PRKDC: variants seen among roughly 807,000 people sequenced by gnomAD.
PRKDC encodes the protein DNA-dependent protein kinase catalytic subunit.
Under a neutral mutation model 486.9 loss-of-function variants are expected in PRKDC, and 82 were observed. The ratio of observed to expected loss-of-function variants is 0.17; its 90% CI spans 0.14 to 0.20. PRKDC has a LOEUF of 0.20. Ranked by LOEUF, PRKDC falls within the 10% of genes least tolerant of loss-of-function variation. PRKDC has a pLI of 1.00. For missense variants in PRKDC, 4,504 were observed against 5,038.2 expected (o/e 0.89, Z 3.21); for synonymous variants, 1,895 against 1,837.0 (o/e 1.03, Z -0.81).
chr8:47,783,591 A>G (rs2086736830), intron 78 of PRKDC, 151 bp downstream of exon 78: 1 of 741,766 alleles, frequency 1.3e-6, no homozygotes, highest in East Asian at 3.0e-5. Flanking sequence ...CTCCGTCTCA[A>G]AAAAAAAAAG....
Position 47,794,456 on chromosome 8 carries a change from T to C in PRKDC, c.10504A>G (p.Met3502Val). 6.2e-7 allele frequency: 1 copy of C among 1,613,766 alleles called. No homozygotes were observed. The highest frequency in any genetic ancestry group is 8.5e-7 in the Non-Finnish European group (1 of 1,179,664). ...TGGTCTTTGTCCAGTAAGGCCACCA[T>C]GTGGCTGATCCAGCTGATGAACTGC... is the stretch of plus-strand genomic sequence containing the variant. Reference protein sequence around the residue: ...CWQFISWISHMVALLDKDQAV... With the variant: ...CWQFISWISHVVALLDKDQAV... Residue 3502 changes from methionine (M) to valine (V), a missense_variant, in exon 74 of 86, where the codon ATG becomes GTG. By Grantham distance (21) the Met-to-Val change is conservative. Coordinates refer to ENST00000314191, the MANE Select transcript of PRKDC (RefSeq NM_006904.7).
intron 58 of PRKDC, 54 bp from the exon 59 acceptor site, chr8:47,834,450 C>A (rs1247274883): frequency 1.3e-6 from 2 of 1,570,462 alleles, no homozygotes; most frequent in East Asian, 2.2e-5. Flanking sequence ...GCTCTGTGCA[C>A]GGGGCAGGAC....
chr8:47,782,605 A>C lies in PRKDC; in HGVS notation c.11176-7T>G. 4 of 1,553,516 alleles carry C rather than the reference A, an allele frequency of 2.6e-6. No homozygotes were observed. The highest frequency in any genetic ancestry group is 3.5e-6 in the Non-Finnish European group (4 of 1,148,608). On this transcript the variant is annotated splice_region_variant and splice_polypyrimidine_tract_variant and intron_variant, in intron 78 of 85. Transcript: ENST00000314191. The surrounding 1 kb of genome is among the most constrained non-coding windows in gnomAD (Gnocchi z 4.9). ...GAGACGCCATGACTGTCACCTTCAA[A>C]AATCAGAATGTCATCTCAGGGCACA...
At chr8:47,959,435 T>A (rs967573818) in intron 1 of PRKDC, 1 of 152,206 alleles carries the variant, frequency 6.6e-6, no homozygotes, top group Non-Finnish European at 1.5e-5. Context: ...TCCCAGCACT[T>A]TGGGAGGCCG....
At chr8:47,857,652 C>T (rs1284733170) in intron 48 of PRKDC, among the ~76,000 whole-genome samples, 1 of 152,170 alleles carries the variant, frequency 6.6e-6, no homozygotes, top group African/African-American at 2.4e-5. Flanking sequence ...CTGCCAGCAG[C>T]TTGATCTCAG....
intron 58 of PRKDC, among the ~76,000 whole-genome samples, chr8:47,834,738 T>G (rs2087974017): frequency 6.9e-6 from 1 of 144,784 alleles, no homozygotes; most frequent in African/African-American, 2.7e-5. Context: ...TGGCCCAGGC[T>G]GGAGTGCAGT....
At chr8:47,880,819 C>T (rs900316876) in intron 38 of PRKDC, among the ~76,000 whole-genome samples, 15 of 151,828 alleles carry the variant, frequency 9.9e-5, no homozygotes, top group African/African-American at 3.4e-4. Context: ...TTTGGGAGGC[C>T]GAGGCAGGCA....
At chr8:47,803,698 C>G (rs187404866) in intron 69 of PRKDC, among the ~76,000 whole-genome samples, 3 of 151,990 alleles carry the variant, frequency 2.0e-5, no homozygotes, top group African/African-American at 7.2e-5. Context: ...GCCTGTAATC[C>G]CAGCATTTTG....
At chr8:47,959,847 C>T (rs2090782045) in intron 1 of PRKDC, 126 bp downstream of exon 1, 1 of 1,429,032 alleles carries the variant, frequency 7.0e-7, no homozygotes, top group Admixed American at 2.5e-5. Flanking sequence ...AGAAATTCCC[C>T]CAAGAATCTA....
Position 47,840,071 on chromosome 8 carries a change from T to C in PRKDC, c.7399A>G (p.Thr2467Ala), listed in dbSNP as rs1205424428. 7 of 1,564,462 alleles carry C rather than the reference T, an allele frequency of 4.5e-6. No individual in the cohort carries two copies. In the South Asian group the frequency reaches 5.9e-5, roughly 13 times the overall value. Residue 2467 changes from threonine (T) to alanine (A), a missense_variant, in exon 55 of 86, where the codon ACA (threonine) becomes GCA (alanine). Around this residue, in one of 6 missense-constraint regions of PRKDC, gnomAD observed 1,592 missense variants for 1,724.6 expected, o/e 0.92. Coordinates refer to ENST00000314191, the MANE Select transcript of PRKDC (RefSeq NM_006904.7). ...TTATACATTTGTTCCCTACATGTTG[T>C]AGAAGGATGGGAAACGAATTCCACA... The part of the protein sequence containing the change: ...PVVEFVSHPS[T>A]TCREQMYNIL...
chr8:47,863,700 T>C (rs1290388441), intron 41 of PRKDC, 123 bp from the exon 42 acceptor site: 10 of 779,784 alleles, frequency 1.3e-5, no homozygotes, highest in Non-Finnish European at 2.0e-5. Flanking sequence ...TCAAAAATGC[T>C]AAATCACTTC....
Position 47,929,895 on chromosome 8 carries a change from A to T in PRKDC, c.2010T>A (p.Leu670=), listed in dbSNP as rs761923452. 1.4e-5 allele frequency: 23 copies of T among 1,604,256 alleles called. 1 individual carries two copies. The South Asian group carries it at 2.6e-4, about 18-fold the overall frequency. The part of the protein sequence containing the change: ...LPLISGFYKL[L]SITVRNAKKI... ...TCTTGGCATTTCTTACTGTAATAGA[A>T]AGCAATTTGTAGAAACCACTGATGA... The change falls in exon 18 of 86, where the codon CTT becomes CTA. Residue 670 remains leucine, a synonymous_variant. Coordinates refer to ENST00000314191, the MANE Select transcript of PRKDC (RefSeq NM_006904.7).
chr8:47,872,658 A>G (rs1198792996), intron 40 of PRKDC, among the ~76,000 whole-genome samples: 1 of 152,238 alleles, frequency 6.6e-6, no homozygotes, highest in African/African-American at 2.4e-5. Context: ...CAGACAAAAT[A>G]GATTTCAAGA....
intron 7 of PRKDC, among the ~76,000 whole-genome samples, chr8:47,948,797 A>G (rs998364566): frequency 6.6e-6 from 1 of 152,154 alleles, no homozygotes; most frequent in Non-Finnish European, 1.5e-5. Flanking sequence ...ATGAATTAGT[A>G]TTTAGTGCTT....
chr8:47,927,139 G>A, intron 21 of PRKDC, 55 bp downstream of exon 21: 1 of 1,538,370 alleles, frequency 6.5e-7, no homozygotes, highest in Non-Finnish European at 8.9e-7. Flanking sequence ...ACCTATTATA[G>A]TTACTCCATT....
rs148400385 is a variant in PRKDC, at chr8:47,841,773, G to C, written c.7281-1584C>G. 3.8e-3 allele frequency among the ~76,000 whole-genome samples: 582 copies of C among 152,294 alleles called. 5 individuals carry two copies. Among genetic ancestry groups the C allele is most frequent in the African/African-American group, 0.013 (548 of 41,554 alleles). ...TTTGCCAGCTTTGCATCTGCCTGAG[G>C]GACCCTGTGGCCTGAAACACCTAAC... On this transcript the variant is annotated intron_variant, in intron 54 of 85. Transcript: ENST00000314191.
chr8:47,841,185 T>C (rs943869208), intron 54 of PRKDC, among the ~76,000 whole-genome samples: 6 of 152,092 alleles, frequency 3.9e-5, no homozygotes, highest in African/African-American at 1.4e-4. Flanking sequence ...TTTGAATTGG[T>C]AGGGAACTGT....
Position 47,886,104 on chromosome 8 carries a change from G to A in PRKDC, c.4616C>T (p.Ser1539Phe). The A allele has an allele frequency of 1.2e-6, 2 of 1,613,434 alleles. No homozygotes were observed. The highest frequency in any genetic ancestry group is 1.1e-5 in the South Asian group (1 of 91,068). Residue 1539 changes from serine to phenylalanine, a missense_variant, in exon 36 of 86, where the codon TCC (serine) becomes TTC (phenylalanine). This residue lies in a region of PRKDC where 1,969 missense variants were observed against 2,068.9 expected (regional missense o/e 0.95). Transcript: ENST00000314191. ...VSLLLNPAVL[S>F]TASLGSSQGS... Reference sequence around the variant, plus strand: ...CTGTGAGCTGCCCAAGGACGCCGTGGACAGCACCGCTGGGTTCAGGAGAAG... The same window carrying A: ...CTGTGAGCTGCCCAAGGACGCCGTGAACAGCACCGCTGGGTTCAGGAGAAG...
chr8:47,862,886 G>A (rs2088710314), intron 42 of PRKDC, among the ~76,000 whole-genome samples: 2 of 152,210 alleles, frequency 1.3e-5, no homozygotes. Flanking sequence ...CAAGTAAGAG[G>A]AGGGTAATAA....
Sources: gnomAD v4.1 joint callset for allele counts (sites outside exome capture counted in the v4.1 genomes callset) on GRCh38, gnomAD v4.1.1 for gene constraint, gnomAD v4.1.1 regional missense constraint, Gnocchi (gnomAD v3.1) non-coding constraint, MANE v1.5 for transcripts, NCBI Gene and HGNC (gene_info 2026-07-23, HGNC 2026-07-21) for gene names.